CCDC171: variants seen among roughly 807,000 people sequenced by gnomAD.
The protein encoded by CCDC171 is coiled-coil domain containing 171, also known as coiled-coil domain-containing protein 171.
A neutral mutation model predicts 168.2 loss-of-function variants in CCDC171; 177 were observed. That is an observed-to-expected ratio of 1.05 (90% CI 0.93 to 1.19). The LOEUF is 1.19. CCDC171 is among the 50% of genes most tolerant of loss of function. CCDC171 has a pLI of 0.00. For synonymous variants in CCDC171, 687 were observed against 540.8 expected (o/e 1.27, Z -3.75); for missense variants, 1,991 against 1,539.0 (o/e 1.29, Z -4.91).
At position 15,834,712 on chromosome 9, in the gene CCDC171, A is replaced by G. The variant is rs1185507409; in HGVS notation, c.3268-11990A>G. ...TGCCTGAAACTGCAAAGGGTAAAGC[A>G]TATTTGTCAGTTTTATCTTGTGCTA... On this transcript the variant is annotated intron_variant, in intron 21 of 25. Transcript: ENST00000380701. Among the ~76,000 whole-genome samples the G allele has an allele frequency of 3.3e-5, 5 of 152,242 alleles. 1 individual carries two copies. The South Asian group carries it at 6.2e-4, about 19-fold the overall frequency.
intron 3 of CCDC171, among the ~76,000 whole-genome samples, chr9:16,017,564 A>G (rs553271242): frequency 3.0e-4 from 45 of 152,274 alleles, no homozygotes; most frequent in Non-Finnish European, 5.1e-4. Flanking sequence ...AAAGTTCTTA[A>G]TTCTTATTAC....
intron 16 of CCDC171, among the ~76,000 whole-genome samples, chr9:15,730,818 G>A (rs2054104655): frequency 6.6e-6 from 1 of 151,860 alleles, no homozygotes; most frequent in Non-Finnish European, 1.5e-5. Context: ...TATATTATAT[G>A]CTCTGCATTT....
At chr9:15,909,207 C>G (rs1215149857) in intron 24 of CCDC171, among the ~76,000 whole-genome samples, 1 of 152,172 alleles carries the variant, frequency 6.6e-6, no homozygotes, top group Non-Finnish European at 1.5e-5. Context: ...ACCCCGTCTC[C>G]TACCTGTTTA....
At chr9:15,668,920 G>A (rs1587851336) in intron 9 of CCDC171, among the ~76,000 whole-genome samples, 1 of 152,144 alleles carries the variant, frequency 6.6e-6, no homozygotes, top group South Asian at 2.1e-4. Flanking sequence ...ATAGAGAATT[G>A]ATAGATTTTA....
intron 25 of CCDC171, among the ~76,000 whole-genome samples, chr9:15,952,683 C>T (rs574001776): frequency 6.6e-6 from 1 of 152,224 alleles, no homozygotes; most frequent in African/African-American, 2.4e-5. Flanking sequence ...AGGCATGAGC[C>T]ACCGCGCGCG....
intron 25 of CCDC171, among the ~76,000 whole-genome samples, chr9:15,928,440 C>G (rs898136531): frequency 1.3e-5 from 2 of 151,666 alleles, no homozygotes; most frequent in African/African-American, 4.8e-5. Context: ...AGAGATGACA[C>G]TGGAGGAGAA....
chr9:15,566,590 G>A (rs539046930), intron 2 of CCDC171, among the ~76,000 whole-genome samples: 1 of 152,200 alleles, frequency 6.6e-6, no homozygotes, highest in African/African-American at 2.4e-5. Flanking sequence ...TAAGATATAT[G>A]ATATGCAAAC....
chr9:15,850,657 T>C (rs1272941339), intron 23 of CCDC171, among the ~76,000 whole-genome samples: 2 of 152,010 alleles, frequency 1.3e-5, no homozygotes, highest in African/African-American at 4.8e-5. Flanking sequence ...TTCTGTTTTC[T>C]GTGAGGTATG....
intron 1 of CCDC171, among the ~76,000 whole-genome samples, chr9:16,054,046 G>A (rs1211217228): frequency 6.6e-6 from 1 of 152,186 alleles, no homozygotes; most frequent in East Asian, 1.9e-4. Context: ...CCTGCCTTCT[G>A]AAACCATCTT....
intron 18 of CCDC171, among the ~76,000 whole-genome samples, chr9:15,747,933 A>C (rs2055419205): frequency 6.6e-6 from 1 of 152,212 alleles, no homozygotes; most frequent in Non-Finnish European, 1.5e-5. Flanking sequence ...TCAGAAGATG[A>C]GTAATAACAA....
chr9:15,666,056 A>C lies in CCDC171; in HGVS notation c.916-107A>C, dbSNP rs2048710313. ...TTTTAAGCCAAAGCAGAAAGAAAGAAGTGCTTGGATGAATGATAATCTGTT... is the reference window on the plus strand; with the variant it reads ...TTTTAAGCCAAAGCAGAAAGAAAGACGTGCTTGGATGAATGATAATCTGTT... On this transcript the variant is annotated intron_variant, in intron 8 of 25. Coordinates refer to ENST00000380701, the MANE Select transcript of CCDC171 (RefSeq NM_173550.4). 6 of 927,990 alleles carry C rather than the reference A, an allele frequency of 6.5e-6. No individual in the cohort carries two copies. In the East Asian group the frequency reaches 1.5e-4, roughly 23 times the overall value. The allele number at this position is 927,990 out of a possible 1,614,324, so 57.5% of individuals were successfully genotyped here.
intron 10 of CCDC171, among the ~76,000 whole-genome samples, chr9:15,693,810 C>T (rs2051006792): frequency 6.6e-6 from 1 of 152,134 alleles, no homozygotes; most frequent in Admixed American, 6.5e-5. Context: ...TAAATAAAAA[C>T]AAAACTCTTC....
At chr9:15,852,106 T>A (rs911711031) in intron 23 of CCDC171, among the ~76,000 whole-genome samples, 1 of 151,702 alleles carries the variant, frequency 6.6e-6, no homozygotes, top group Non-Finnish European at 1.5e-5. Flanking sequence ...TAGCTAGGAG[T>A]GGAACTGCTG....
At chr9:15,774,723 C>G (rs1440612152) in intron 18 of CCDC171, among the ~76,000 whole-genome samples, 1 of 152,174 alleles carries the variant, frequency 6.6e-6, no homozygotes, top group Admixed American at 6.5e-5. Flanking sequence ...CATCAATCAA[C>G]AAGTGGGTAA....
At chr9:15,946,316 G>T (rs1828375581) in intron 25 of CCDC171, among the ~76,000 whole-genome samples, 2 of 151,948 alleles carry the variant, frequency 1.3e-5, no homozygotes, top group South Asian at 4.1e-4. Context: ...AGCAACTTCA[G>T]CAAAGTCTCA....
intron 25 of CCDC171, among the ~76,000 whole-genome samples, chr9:15,969,971 T>A (rs1050801222): frequency 6.6e-6 from 1 of 152,226 alleles, no homozygotes; most frequent in Non-Finnish European, 1.5e-5. Flanking sequence ...TTAATACTAC[T>A]AATCAGGGTC....
At chr9:15,860,899 T>A (rs2061528226) in intron 23 of CCDC171, among the ~76,000 whole-genome samples, 1 of 149,868 alleles carries the variant, frequency 6.7e-6, no homozygotes, top group Non-Finnish European at 1.5e-5. Flanking sequence ...GTTCTGCCAA[T>A]GTTTGTTTTA....
the CCDC171 span, among the ~76,000 whole-genome samples, chr9:16,091,366 G>A: frequency 2.0e-5 from 3 of 152,232 alleles, no homozygotes; most frequent in African/African-American, 7.2e-5. Flanking sequence ...TGCAAGATGA[G>A]ACCCAAGAGG....
chr9:15,614,286 C>G lies in CCDC171; in HGVS notation c.676-8981C>G, dbSNP rs2043924228. On this transcript the variant is annotated intron_variant, in intron 6 of 25. Coordinates refer to ENST00000380701, the MANE Select transcript of CCDC171 (RefSeq NM_173550.4). ...CTGGGGCTTTTGGGGAGCTCCAACT[C>G]TGTTCTTCTCTCCTTCCCCACAGTG... Among the ~76,000 whole-genome samples the G allele has an allele frequency of 2.0e-5, 3 of 152,184 alleles. 1 individual carries two copies. The East Asian group carries it at 5.8e-4, about 29-fold the overall frequency.
Sources: allele counts gnomAD v4.1 joint callset (sites outside exome capture counted in the v4.1 genomes callset), GRCh38; gene constraint gnomAD v4.1.1; transcripts MANE v1.5; gene names NCBI Gene and HGNC (gene_info 2026-07-23, HGNC 2026-07-21).